Variants in CAMTA1 observed in about 807,000 individuals in gnomAD.
CAMTA1 encodes the protein calmodulin binding transcription activator 1.
Under a neutral mutation model 170.9 loss-of-function variants are expected in CAMTA1, and 27 were observed. That is an observed-to-expected ratio of 0.16 (90% CI 0.12 to 0.22). The LOEUF (loss-of-function observed/expected upper bound fraction) is 0.22. Among genes scored for constraint, CAMTA1 ranks in the 10% least tolerant of loss-of-function variants. The pLI, the probability that CAMTA1 is intolerant of heterozygous loss-of-function variation, is 1.00. For missense variants in CAMTA1, 1,619 were observed against 2,217.2 expected, an observed-to-expected ratio of 0.73 and a Z score of 5.42; for synonymous variants, 833 against 891.5, an observed-to-expected ratio of 0.93 and a Z score of 1.17.
chr1:7,215,300 A>G (rs1659557901), intron 4 of CAMTA1, among the ~76,000 whole-genome samples: 1 of 152,168 alleles, frequency 6.6e-6, no homozygotes, highest in African/African-American at 2.4e-5. Context: ...TTAAAATTTT[A>G]ATTTTTCATT....
At chr1:7,566,880 C>T (rs943693445) in intron 6 of CAMTA1, among the ~76,000 whole-genome samples, 1 of 152,234 alleles carries the variant, frequency 6.6e-6, no homozygotes, top group African/African-American at 2.4e-5. Context: ...CGAGCACCCC[C>T]TCTGTGCCCA....
intron 5 of CAMTA1, among the ~76,000 whole-genome samples, chr1:7,452,891 G>T (rs534768624): frequency 6.6e-6 from 1 of 152,332 alleles, no homozygotes; most frequent in South Asian, 2.1e-4. Context: ...TGGAATGGCT[G>T]GGTTGTATGC....
Position 7,149,247 on chromosome 1 carries a change from G to C in CAMTA1, c.302+57876G>C, listed in dbSNP as rs562908789. Among the ~76,000 whole-genome samples the C allele has an allele frequency of 2.0e-5, 3 of 152,356 alleles. No individual in the cohort carries two copies. The South Asian group carries it at 6.2e-4, about 32-fold the overall frequency. ...GCGCTTGGGAGGGGTGCTCCTCCCTGAAGGACAGGGTTTTTGCTTCTGAGC... is the reference window on the plus strand; with the variant it reads ...GCGCTTGGGAGGGGTGCTCCTCCCTCAAGGACAGGGTTTTTGCTTCTGAGC... On this transcript the variant is annotated intron_variant, in intron 4 of 22. Transcript: ENST00000303635.
intron 5 of CAMTA1, among the ~76,000 whole-genome samples, chr1:7,343,974 G>A (rs1404981853): frequency 6.6e-6 from 1 of 152,196 alleles, no homozygotes; most frequent in African/African-American, 2.4e-5. Context: ...TTCTAGTTTT[G>A]TGTTAGAAAC....
At chr1:7,031,057 C>T (rs1702732202) in intron 3 of CAMTA1, among the ~76,000 whole-genome samples, 1 of 145,588 alleles carries the variant, frequency 6.9e-6, no homozygotes, top group Non-Finnish European at 1.5e-5. Context: ...CGTTGTTAGC[C>T]AGGATGGTCT....
At chr1:7,425,969 A>G (rs1444682924) in intron 5 of CAMTA1, among the ~76,000 whole-genome samples, 2 of 152,190 alleles carry the variant, frequency 1.3e-5, no homozygotes, top group Non-Finnish European at 2.9e-5. Context: ...GCCCTGTGCC[A>G]GGCATGGGGC....
At chr1:7,564,525 C>T (rs970050108) in intron 6 of CAMTA1, among the ~76,000 whole-genome samples, 1 of 152,180 alleles carries the variant, frequency 6.6e-6, no homozygotes, top group South Asian at 2.1e-4. Context: ...GGCCCATGCA[C>T]CAAAAATGAG....
chr1:7,683,708 C>T (rs990275278), intron 11 of CAMTA1, among the ~76,000 whole-genome samples: 2 of 152,338 alleles, frequency 1.3e-5, no homozygotes, highest in South Asian at 2.1e-4. Flanking sequence ...GCAGGAGTCA[C>T]GTCCTCTCCG....
chr1:7,265,204 T>C (rs967976600), intron 5 of CAMTA1, among the ~76,000 whole-genome samples: 13 of 152,326 alleles, frequency 8.5e-5, no homozygotes, highest in African/African-American at 2.9e-4. Flanking sequence ...CATGTGGTGG[T>C]GAGTCCTGGA....
At chr1:6,947,527 C>T (rs371565311) in intron 3 of CAMTA1, among the ~76,000 whole-genome samples, 271 of 150,412 alleles carry the variant, frequency 1.8e-3, no homozygotes, top group African/African-American at 5.7e-3. Context: ...ATTACAGGCG[C>T]GTGTCACCAT....
chr1:7,398,621 G>C (rs2089633851), intron 5 of CAMTA1, among the ~76,000 whole-genome samples: 1 of 151,868 alleles, frequency 6.6e-6, no homozygotes, highest in African/African-American at 2.4e-5. Context: ...TCCATAAGTT[G>C]GTGGAATAAA....
intron 3 of CAMTA1, among the ~76,000 whole-genome samples, chr1:6,937,662 C>T (rs1417948392): frequency 6.6e-6 from 1 of 151,492 alleles, no homozygotes; most frequent in Non-Finnish European, 1.5e-5. Flanking sequence ...ATCACCATCA[C>T]CATCATCATC....
intron 3 of CAMTA1, among the ~76,000 whole-genome samples, chr1:6,857,572 G>T (rs910910139): frequency 6.6e-6 from 1 of 152,148 alleles, no homozygotes; most frequent in Admixed American, 6.5e-5. Context: ...AGGTAGGGTC[G>T]GGCTGTAGGA....
At chr1:7,706,230 C>T (rs974272347) in intron 11 of CAMTA1, among the ~76,000 whole-genome samples, 1 of 152,216 alleles carries the variant, frequency 6.6e-6, no homozygotes, top group African/African-American at 2.4e-5. Flanking sequence ...ATCCCGGAAG[C>T]GGACTCAGTA....
intron 6 of CAMTA1, among the ~76,000 whole-genome samples, chr1:7,507,156 TCA>T (rs1158313511): frequency 6.7e-5 from 10 of 149,738 alleles, no homozygotes; most frequent in Non-Finnish European, 1.3e-4. Context: ...ACTCCCACAC[TCA>T]CACAACACAC....
At position 7,245,092 on chromosome 1, in the gene CAMTA1, A is replaced by G. The variant is rs147229555; in HGVS notation, c.303-4399A>G. On this transcript the variant is annotated intron_variant, in intron 4 of 22. Transcript: ENST00000303635. ...TTGTTAAATGTATGCCTAGGCATTT[A>G]ATTTTGTTTTTCTGTAGTAAATGGG... Among the ~76,000 whole-genome samples, 207 of 151,468 alleles carry G rather than the reference A, an allele frequency of 1.4e-3. 2 individuals carry two copies. The highest frequency in any genetic ancestry group is 4.9e-3 in the African/African-American group (203 of 41,390).
intron 6 of CAMTA1, among the ~76,000 whole-genome samples, chr1:7,507,837 C>A (rs368561993): frequency 6.6e-6 from 1 of 152,228 alleles, no homozygotes; most frequent in Non-Finnish European, 1.5e-5. Context: ...TCCTAACAAG[C>A]CTCCACCCCA....
intron 6 of CAMTA1, among the ~76,000 whole-genome samples, chr1:7,605,218 C>A (rs1339093872): frequency 1.3e-5 from 2 of 152,238 alleles, no homozygotes; most frequent in African/African-American, 4.8e-5. Flanking sequence ...AGCTGTCAGA[C>A]AGGGACATTT....
chr1:7,750,007 G>T (rs528669444), intron 19 of CAMTA1, among the ~76,000 whole-genome samples: 2 of 152,112 alleles, frequency 1.3e-5, no homozygotes, highest in African/African-American at 2.4e-5. Flanking sequence ...ACATTTTTTG[G>T]CTGGTGTTAA....
Sources: gnomAD v4.1 joint callset for allele counts (sites outside exome capture counted in the v4.1 genomes callset) on GRCh38, gnomAD v4.1.1 for gene constraint, MANE v1.5 for transcripts, NCBI Gene and HGNC (gene_info 2026-07-23, HGNC 2026-07-21) for gene names.